The following OPCML variants were observed in gnomAD, a reference collection of about 807,000 sequenced individuals.
OPCML encodes opioid binding protein/cell adhesion molecule like.
In OPCML, 13 loss-of-function variants were observed where a neutral mutation model predicts 37.8. The ratio of observed to expected loss-of-function variants is 0.34; its 90% confidence interval spans 0.22 to 0.55. OPCML has a LOEUF of 0.55. OPCML is among the 20% of genes least tolerant of loss of function. OPCML has a pLI of 0.91. For missense variants in OPCML, 341 were observed against 435.6 expected, an observed-to-expected ratio of 0.78 and a Z score of 1.93; for synonymous variants, 176 against 168.8, an observed-to-expected ratio of 1.04 and a Z score of -0.33.
intron 4 of OPCML, among the ~76,000 whole-genome samples, chr11:132,481,580 C>A (rs1035543974): frequency 6.6e-6 from 1 of 151,270 alleles, no homozygotes; most frequent in Non-Finnish European, 1.5e-5. Flanking sequence ...TAATAGACAT[C>A]TACAGAACTC....
chr11:132,705,625 G>A (rs1939510), intron 2 of OPCML, among the ~76,000 whole-genome samples: 7 of 151,610 alleles, frequency 4.6e-5, no homozygotes, highest in African/African-American at 1.7e-4. Context: ...AAAATTGTAC[G>A]GCAATTCCCC....
At chr11:133,397,318 T>G (rs2136827217) in intron 1 of OPCML, among the ~76,000 whole-genome samples, 1 of 152,350 alleles carries the variant, frequency 6.6e-6, no homozygotes, top group South Asian at 2.1e-4. Flanking sequence ...ATCCATAATT[T>G]TTTATTCTCA....
chr11:132,719,852 G>A (rs966721445), intron 2 of OPCML, among the ~76,000 whole-genome samples: 5 of 152,198 alleles, frequency 3.3e-5, no homozygotes, highest in African/African-American at 1.2e-4. Flanking sequence ...CTTGAGCTCC[G>A]AGTGCAAGTT....
At chr11:132,752,210 T>G (rs1310890776) in intron 2 of OPCML, among the ~76,000 whole-genome samples, 1 of 152,042 alleles carries the variant, frequency 6.6e-6, no homozygotes, top group Non-Finnish European at 1.5e-5. Context: ...TAATTAATTG[T>G]GTATTTTGAA....
chr11:132,839,452 C>A (rs1263355324), intron 2 of OPCML, among the ~76,000 whole-genome samples: 1 of 152,214 alleles, frequency 6.6e-6, no homozygotes, highest in Non-Finnish European at 1.5e-5. Context: ...GCTGCAATGG[C>A]CGCTTTCCTT....
chr11:133,368,338 G>A (rs1412167022), intron 1 of OPCML, among the ~76,000 whole-genome samples: 1 of 151,980 alleles, frequency 6.6e-6, no homozygotes, highest in Non-Finnish European at 1.5e-5. Flanking sequence ...GGGAGAGGGA[G>A]TATTTGTTTG....
At chr11:133,007,508 T>A (rs1947135022) in intron 1 of OPCML, 1 of 985,342 alleles carries the variant, frequency 1.0e-6, no homozygotes, top group Admixed American at 6.1e-5. Context: ...TTAGACAGAA[T>A]CTCTGTTCCT....
At chr11:133,383,436 G>C (rs1944974335) in intron 1 of OPCML, among the ~76,000 whole-genome samples, 1 of 152,136 alleles carries the variant, frequency 6.6e-6, no homozygotes, top group Admixed American at 6.5e-5. Flanking sequence ...CGGGAATCGG[G>C]TCATCCGATC....
intron 1 of OPCML, among the ~76,000 whole-genome samples, chr11:133,165,935 G>A (rs1220854368): frequency 6.6e-6 from 1 of 152,232 alleles, no homozygotes; most frequent in Non-Finnish European, 1.5e-5. Flanking sequence ...GTGGGATCCA[G>A]CTGTAAGGCC....
At chr11:132,994,239 C>T (rs559347501) in intron 1 of OPCML, among the ~76,000 whole-genome samples, 1 of 152,162 alleles carries the variant, frequency 6.6e-6, no homozygotes, top group Non-Finnish European at 1.5e-5. Flanking sequence ...GGAGCCGGCG[C>T]GCGCGGGAGC....
intron 1 of OPCML, among the ~76,000 whole-genome samples, chr11:133,217,241 T>C (rs1205745582): frequency 2.0e-5 from 3 of 152,166 alleles, no homozygotes; most frequent in African/African-American, 7.2e-5. Flanking sequence ...AGCTCCCTGG[T>C]CTGATGCTCC....
intron 2 of OPCML, among the ~76,000 whole-genome samples, chr11:132,780,744 T>C (rs1490509573): frequency 1.3e-5 from 2 of 152,198 alleles, no homozygotes; most frequent in Non-Finnish European, 2.9e-5. Context: ...TTGCCACACA[T>C]TGGCAAGTAG....
intron 2 of OPCML, among the ~76,000 whole-genome samples, chr11:132,859,860 G>A (rs962921137): frequency 1.3e-5 from 2 of 151,970 alleles, no homozygotes; most frequent in Admixed American, 6.6e-5. Flanking sequence ...TTTTCTCAAC[G>A]GTACTATGGG....
At chr11:132,915,348 T>C (rs1944570331) in intron 2 of OPCML, among the ~76,000 whole-genome samples, 1 of 152,240 alleles carries the variant, frequency 6.6e-6, no homozygotes, top group African/African-American at 2.4e-5. Context: ...TGTGCTATGA[T>C]ACCTCATTCT....
At chr11:132,586,474 G>A (rs2096472863) in intron 3 of OPCML, among the ~76,000 whole-genome samples, 1 of 152,200 alleles carries the variant, frequency 6.6e-6, no homozygotes, top group African/African-American at 2.4e-5. Context: ...ACAGACTGTG[G>A]GGCTTGTTAT....
At chr11:132,902,026 C>T (rs148274572) in intron 2 of OPCML, among the ~76,000 whole-genome samples, 1,909 of 152,236 alleles carry the variant, frequency 0.013, 53 homozygotes, top group African/African-American at 0.044. Context: ...TTTACTCCAG[C>T]ATAAGGTAAA....
At chr11:132,794,032 A>G (rs1342151940) in intron 2 of OPCML, among the ~76,000 whole-genome samples, 1 of 152,200 alleles carries the variant, frequency 6.6e-6, no homozygotes, top group African/African-American at 2.4e-5. Flanking sequence ...TCATCTTCTA[A>G]CTGTGGATAA....
Position 133,174,730 on chromosome 11 carries a change from C to A in OPCML, c.62-231720G>T, listed in dbSNP as rs755890772. Among the ~76,000 whole-genome samples, 6 of 151,052 alleles carry A rather than the reference C, an allele frequency of 4.0e-5. No homozygotes were observed. The highest frequency in any genetic ancestry group is 7.4e-5 in the Non-Finnish European group (5 of 67,984). Reference sequence around the variant, plus strand: ...TCCTGAAAAATAAATTTATGTTTGCCTATCTATATTTTCATCTCTCTGACT... The same window carrying A: ...TCCTGAAAAATAAATTTATGTTTGCATATCTATATTTTCATCTCTCTGACT... On this transcript the variant is annotated intron_variant, in intron 1 of 7. Transcript: ENST00000524381. This position sits in a 1 kb window ranked among gnomAD's most constrained non-coding sequence, Gnocchi z 4.6.
At chr11:132,420,821 A>G (rs2095955939) in intron 7 of OPCML, among the ~76,000 whole-genome samples, 1 of 152,168 alleles carries the variant, frequency 6.6e-6, no homozygotes, top group Non-Finnish European at 1.5e-5. Flanking sequence ...TGCAGCAGCT[A>G]AGGAAGGAGG....
Sources: gnomAD v4.1 joint callset for allele counts (sites outside exome capture counted in the v4.1 genomes callset) on GRCh38, gnomAD v4.1.1 for gene constraint, Gnocchi (gnomAD v3.1) non-coding constraint, MANE v1.5 for transcripts, NCBI Gene and HGNC (gene_info 2026-07-23, HGNC 2026-07-21) for gene names.